IGF2BP3: variants seen among roughly 807,000 people sequenced by gnomAD.
IGF2BP3 encodes insulin like growth factor 2 mRNA binding protein 3, also known as insulin-like growth factor 2 mRNA-binding protein 3.
A neutral mutation model predicts 73.8 loss-of-function variants in IGF2BP3; 9 were observed. The observed-to-expected ratio is 0.12, with a 90% confidence interval of 0.07 to 0.21. The LOEUF (loss-of-function observed/expected upper bound fraction) is 0.21. Ranked by LOEUF, IGF2BP3 falls within the 10% of genes least tolerant of loss-of-function variation. The pLI is 1.00. For missense variants in IGF2BP3, 542 were observed against 714.0 expected, an observed-to-expected ratio of 0.76 and a Z score of 2.75; for synonymous variants, 258 against 256.7, an observed-to-expected ratio of 1.01 and a Z score of -0.05.
intron 3 of IGF2BP3, among the ~76,000 whole-genome samples, chr7:23,367,460 C>T (rs958317718): frequency 8.5e-5 from 11 of 128,778 alleles, no homozygotes; most frequent in Non-Finnish European, 1.2e-4. Context: ...AAAAAAACCA[C>T]GAAAAAAAAC....
rs1785696643 is a variant in IGF2BP3, at chr7:23,375,749, TTACCCAC to T, written c.286-14015_286-14009del. 2.0e-5 allele frequency among the ~76,000 whole-genome samples: 3 copies of T among 152,348 alleles called. No homozygotes were observed. The South Asian group carries it at 6.2e-4, about 32-fold the overall frequency. Reference sequence around the variant, plus strand: ...GCAGACCATCCCAGATGCTGGCATTTTACCCACTACCCCTATTTAAAGCTTAGTTTAA... The same window carrying T: ...GCAGACCATCCCAGATGCTGGCATTTTACCCCTATTTAAAGCTTAGTTTAA... On this transcript the variant is annotated intron_variant, in intron 3 of 14. Coordinates refer to ENST00000258729, the MANE Select transcript of IGF2BP3 (RefSeq NM_006547.3).
At chr7:23,438,901 C>CATT (rs1787865958) in intron 2 of IGF2BP3, among the ~76,000 whole-genome samples, 1 of 152,076 alleles carries the variant, frequency 6.6e-6, no homozygotes, top group African/African-American at 2.4e-5. Context: ...TACTTTCCAC[C>CATT]ATTATAGTTG....
chr7:23,428,380 G>T (rs1010276176), intron 2 of IGF2BP3, among the ~76,000 whole-genome samples: 2 of 150,868 alleles, frequency 1.3e-5, no homozygotes, highest in Non-Finnish European at 3.0e-5. Context: ...GCTGAGGCAG[G>T]AGAATCGCTT....
At chr7:23,313,739 T>C in intron 12 of IGF2BP3, 86 bp from the exon 13 acceptor site, 1 of 1,341,128 alleles carries the variant, frequency 7.5e-7, no homozygotes, top group South Asian at 1.3e-5. Context: ...CAAATCCAAG[T>C]GGGATAGCCC....
chr7:23,391,091 G>A (rs973309690), intron 3 of IGF2BP3, among the ~76,000 whole-genome samples: 7 of 139,732 alleles, frequency 5.0e-5, no homozygotes, highest in African/African-American at 1.1e-4. Flanking sequence ...GAACCATCGC[G>A]CCTGGCTTTT....
At position 23,354,557 on chromosome 7, in the gene IGF2BP3, A is replaced by C. The variant is rs1785045062; in HGVS notation, c.402-2971T>G. Among the ~76,000 whole-genome samples, 8 of 152,348 alleles carry C rather than the reference A, an allele frequency of 5.3e-5. No individual in the cohort carries two copies. In the South Asian group the frequency reaches 1.7e-3, roughly 32 times the overall value. Reference sequence around the variant, plus strand: ...CAGATATCATTCTCCCTGGGGTAAAAGGTACACACGTCAGTTACCAGATGC... The same window carrying C: ...CAGATATCATTCTCCCTGGGGTAAACGGTACACACGTCAGTTACCAGATGC... On this transcript the variant is annotated intron_variant, in intron 5 of 14. Transcript: ENST00000258729.
intron 3 of IGF2BP3, among the ~76,000 whole-genome samples, chr7:23,403,650 A>G (rs1168140593): frequency 6.6e-6 from 1 of 152,256 alleles, no homozygotes; most frequent in Non-Finnish European, 1.5e-5. Flanking sequence ...TAGATACAGT[A>G]GCAGCTAAAA....
chr7:23,431,169 C>T (rs770190436), intron 2 of IGF2BP3: 28 of 152,142 alleles, frequency 1.8e-4, no homozygotes, highest in Non-Finnish European at 1.6e-4. Flanking sequence ...CGATACTGAC[C>T]GTGATGAGCA....
chr7:23,383,817 C>T (rs1785990871), intron 3 of IGF2BP3, among the ~76,000 whole-genome samples: 1 of 152,072 alleles, frequency 6.6e-6, no homozygotes. Context: ...AAGTCTGGAG[C>T]CGGGCGCGGT....
chr7:23,339,800 TAGTA>T (rs1428585331), intron 10 of IGF2BP3, among the ~76,000 whole-genome samples: 11 of 152,312 alleles, frequency 7.2e-5, no homozygotes, highest in Non-Finnish European at 1.3e-4. Flanking sequence ...TTGTACCTTT[TAGTA>T]AGTGTCATTT....
At chr7:23,394,670 T>C (rs140359624) in intron 3 of IGF2BP3, 1 of 152,252 alleles carries the variant, frequency 6.6e-6, no homozygotes, top group African/African-American at 2.4e-5. Flanking sequence ...GGCTCCATCA[T>C]GCGCTACAAA....
intron 5 of IGF2BP3, among the ~76,000 whole-genome samples, chr7:23,355,544 C>T (rs747590904): frequency 2.0e-5 from 3 of 152,072 alleles, no homozygotes; most frequent in Non-Finnish European, 4.4e-5. Flanking sequence ...ATCCTGTCAT[C>T]ATTACTTAAC....
rs763138561 is a variant in IGF2BP3, at chr7:23,343,785, G to A, written c.1010C>T (p.Ala337Val). 3.7e-6 allele frequency: 6 copies of A among 1,612,550 alleles called. No homozygotes were observed. In the East Asian group the frequency reaches 1.1e-4, roughly 30 times the overall value. Residue 337 changes from alanine to valine, a missense_variant, in exon 9 of 15, where the codon GCC becomes GTC. Ala to Val is a moderately conservative substitution (Grantham distance 64). Transcript: ENST00000258729. The stretch of plus-strand genomic sequence containing the variant: ...CTTCATGATCTCCTCCTCAGCTTTG[G>A]CACATGTCTCAACATTGCCTTTAAC... ...ITVKGNVETC[A>V]KAEEEIMKKI...
chr7:23,361,547 C>A lies in IGF2BP3; in HGVS notation c.388G>T (p.Asp130Tyr). 1 of 1,612,110 alleles carries A rather than the reference C, an allele frequency of 6.2e-7. No individual in the cohort carries two copies. The highest frequency in any genetic ancestry group is 1.1e-5 in the South Asian group (1 of 90,950). ...CAAGCTGCTTACTGTCTAGCTTGGTCCTTACTGGAATAGGTTACATTTACA... is the reference window on the plus strand; with the variant it reads ...CAAGCTGCTTACTGTCTAGCTTGGTACTTACTGGAATAGGTTACATTTACA... ...AVVNVTYSSK[D>Y]QARQALDKLN... Residue 130 changes from aspartate (D) to tyrosine (Y), a missense_variant, in exon 5 of 15, where the codon GAC becomes TAC. Asp to Tyr is a radical substitution (Grantham distance 160, BLOSUM62 -3). Transcript: ENST00000258729.
At chr7:23,432,356 G>A (rs1469172857) in intron 2 of IGF2BP3, among the ~76,000 whole-genome samples, 1 of 152,170 alleles carries the variant, frequency 6.6e-6, no homozygotes, top group East Asian at 1.9e-4. Flanking sequence ...AAGAAACATA[G>A]TCAAAGTTTT....
chr7:23,465,673 A>G (rs1424888291), intron 2 of IGF2BP3, among the ~76,000 whole-genome samples: 2 of 152,214 alleles, frequency 1.3e-5, no homozygotes, highest in Non-Finnish European at 2.9e-5. Context: ...CATGCCTTGT[A>G]TATCAAGTAC....
intron 3 of IGF2BP3, among the ~76,000 whole-genome samples, chr7:23,387,935 A>AT (rs934412566): frequency 1.1e-4 from 16 of 150,192 alleles, no homozygotes; most frequent in African/African-American, 1.7e-4. Flanking sequence ...AAAGTTTAGA[A>AT]TTTTTTTTTT....
In IGF2BP3 at chr7:23,417,671, T is replaced by A. The variant is rs141612225; in HGVS notation, c.285+1105A>T. Among the ~76,000 whole-genome samples, 97 of 152,326 alleles carry A rather than the reference T, an allele frequency of 6.4e-4. No individual in the cohort carries two copies. In the East Asian group the frequency reaches 0.018, roughly 29 times the overall value. On this transcript the variant is annotated intron_variant, in intron 3 of 14. Transcript: ENST00000258729. ...ATTACATTTTAAATCATATTTAATA[T>A]GGCTCATCTTAAAATAAGGGGATTG...
At chr7:23,339,883 T>C (rs532527468) in intron 10 of IGF2BP3, among the ~76,000 whole-genome samples, 1 of 152,314 alleles carries the variant, frequency 6.6e-6, no homozygotes, top group South Asian at 2.1e-4. Flanking sequence ...CTAGTGGACA[T>C]GTTCAAAGTT....
Sources: gnomAD v4.1 joint callset for allele counts (sites outside exome capture counted in the v4.1 genomes callset) on GRCh38, gnomAD v4.1.1 for gene constraint, MANE v1.5 for transcripts, NCBI Gene and HGNC (gene_info 2026-07-23, HGNC 2026-07-21) for gene names.